GABRG3: variants seen among roughly 807,000 people sequenced by gnomAD.
The protein encoded by GABRG3 is gamma-aminobutyric acid type A receptor subunit gamma3.
Under a neutral mutation model 48.8 loss-of-function variants are expected in GABRG3, and 25 were observed. That is an observed-to-expected ratio of 0.51 (90% CI 0.37 to 0.72). The LOEUF (loss-of-function observed/expected upper bound fraction) is 0.72, where lower values mean the gene tolerates loss of function less well. GABRG3 is among the 30% of genes least tolerant of loss of function. The pLI, the probability that GABRG3 is intolerant of heterozygous loss-of-function variation, is 0.00. For missense variants in GABRG3, 394 were observed against 577.9 expected (o/e 0.68, Z 3.26); for synonymous variants, 227 against 217.6 (o/e 1.04, Z -0.38).
At chr15:26,972,862 C>T (rs775462792) in intron 1 of GABRG3, among the ~76,000 whole-genome samples, 4 of 152,098 alleles carry the variant, frequency 2.6e-5, no homozygotes, top group Non-Finnish European at 4.4e-5. Flanking sequence ...GTGTGGAAGC[C>T]GACTCCACCG....
intron 3 of GABRG3, among the ~76,000 whole-genome samples, chr15:27,322,135 C>T (rs941648376): frequency 1.3e-5 from 2 of 152,148 alleles, no homozygotes; most frequent in Non-Finnish European, 2.9e-5. Context: ...AATGCCATTA[C>T]AAAGTAAGTT....
intron 3 of GABRG3, among the ~76,000 whole-genome samples, chr15:27,163,655 G>A (rs1283762824): frequency 6.6e-6 from 1 of 152,132 alleles, no homozygotes; most frequent in African/African-American, 2.4e-5. Context: ...ATAAGTCAGT[G>A]CTTCTCAGCA....
At position 27,001,449 on chromosome 15, in the gene GABRG3, C is replaced by T. The variant is rs1030445867; in HGVS notation, c.202+24299C>T. 2.6e-5 allele frequency among the ~76,000 whole-genome samples: 4 copies of T among 152,230 alleles called. No individual in the cohort carries two copies. In the South Asian group the frequency reaches 6.2e-4, roughly 24 times the overall value. ...CCCAGCTGACTCCCGCACACAATGC[C>T]ACTCCACACAATCATCAGTTGTTGG... On this transcript the variant is annotated intron_variant, in intron 2 of 9. Transcript: ENST00000615808.
intron 2 of GABRG3, among the ~76,000 whole-genome samples, chr15:26,989,515 G>A (rs1234637779): frequency 6.6e-6 from 1 of 152,078 alleles, no homozygotes; most frequent in Non-Finnish European, 1.5e-5. Flanking sequence ...TATATAGTAG[G>A]TATTTATGCT....
At chr15:27,123,970 G>A (rs1232920556) in intron 3 of GABRG3, among the ~76,000 whole-genome samples, 1 of 152,182 alleles carries the variant, frequency 6.6e-6, no homozygotes, top group African/African-American at 2.4e-5. Context: ...CACCCAGGCG[G>A]CCGGAGCCTT....
At chr15:27,029,708 G>A (rs1896049651) in intron 3 of GABRG3, among the ~76,000 whole-genome samples, 1 of 152,186 alleles carries the variant, frequency 6.6e-6, no homozygotes, top group Admixed American at 6.5e-5. Context: ...TGCTTTGGTG[G>A]GGCAAGTCTG....
chr15:27,085,872 A>G (rs1423390322), intron 3 of GABRG3, among the ~76,000 whole-genome samples: 2 of 152,190 alleles, frequency 1.3e-5, no homozygotes, highest in Non-Finnish European at 2.9e-5. Context: ...CAAATCTACA[A>G]TGATCATCTA....
At chr15:27,527,094 G>T (rs1356977475) in intron 7 of GABRG3, among the ~76,000 whole-genome samples, 1 of 152,160 alleles carries the variant, frequency 6.6e-6, no homozygotes, top group Non-Finnish European at 1.5e-5. Flanking sequence ...TAGCTGGGCA[G>T]AAATGTGAGG....
chr15:27,238,010 AG>A (rs1415031721), intron 3 of GABRG3, among the ~76,000 whole-genome samples: 4 of 152,214 alleles, frequency 2.6e-5, no homozygotes, highest in African/African-American at 9.6e-5. Flanking sequence ...GAAGGTGAGA[AG>A]AAGAGTTAAT....
chr15:27,540,812 G>GTTCCTTTACA lies in GABRG3; in HGVS notation c.*7932_*7933insTCCTTTACAT, dbSNP rs1278035574. 3 of 152,206 alleles carry GTTCCTTTACA rather than the reference G, an allele frequency of 2.0e-5. No homozygotes were observed. The highest frequency in any genetic ancestry group is 7.2e-5 in the African/African-American group (3 of 41,452). 9.4% of individuals were successfully genotyped at this position (152,206 alleles called of 1,614,324 possible). ...GTTGTTAGGAGCAAGAGGCCATCTT[G>GTTCCTTTACA]TGTTTACATGCAGTGGTCTGTGTAT... On this transcript the variant is annotated 3_prime_UTR_variant, in exon 10 of 10. Coordinates refer to ENST00000615808, the MANE Select transcript of GABRG3 (RefSeq NM_033223.5).
intron 3 of GABRG3, among the ~76,000 whole-genome samples, chr15:27,137,768 G>A (rs1484393680): frequency 1.3e-5 from 2 of 152,156 alleles, no homozygotes; most frequent in South Asian, 2.1e-4. Context: ...TTCATAAAGC[G>A]ATAGATATTC....
chr15:27,227,066 C>T (rs1436097146), intron 3 of GABRG3, among the ~76,000 whole-genome samples: 7 of 152,174 alleles, frequency 4.6e-5, no homozygotes, highest in Admixed American at 3.3e-4. Flanking sequence ...AACAGCCAGC[C>T]GCCTGTAAGG....
At position 27,236,751 on chromosome 15, in the gene GABRG3, T is replaced by C. The variant is rs1373749004; in HGVS notation, c.271-90058T>C. On this transcript the variant is annotated intron_variant, in intron 3 of 9. Transcript: ENST00000615808. This position sits in a 1 kb window ranked among gnomAD's most constrained non-coding sequence, Gnocchi z 4.4. Reference sequence around the variant, plus strand: ...CGTTTGACATCAGAGGGCCAAAAACTCTATCCTCGGATCATGCGAACACTG... The same window carrying C: ...CGTTTGACATCAGAGGGCCAAAAACCCTATCCTCGGATCATGCGAACACTG... Among the ~76,000 whole-genome samples, 1 of 152,228 alleles carries C rather than the reference T, an allele frequency of 6.6e-6. No individual in the cohort carries two copies. Among genetic ancestry groups the C allele is most frequent in the Non-Finnish European group, 1.5e-5 (1 of 68,038 alleles).
chr15:27,076,734 G>A (rs1481837136), intron 3 of GABRG3, among the ~76,000 whole-genome samples: 1 of 152,120 alleles, frequency 6.6e-6, no homozygotes, highest in Non-Finnish European at 1.5e-5. Flanking sequence ...ATAAGGCAGG[G>A]CATGGAGTGA....
At chr15:27,000,518 A>C (rs1895424365) in intron 2 of GABRG3, among the ~76,000 whole-genome samples, 1 of 152,072 alleles carries the variant, frequency 6.6e-6, no homozygotes, top group South Asian at 2.1e-4. Flanking sequence ...GATGGAGGTG[A>C]ATGGATCATG....
chr15:27,347,148 G>A (rs148730790), intron 5 of GABRG3, among the ~76,000 whole-genome samples: 79 of 152,200 alleles, frequency 5.2e-4, no homozygotes, highest in African/African-American at 1.7e-3. Flanking sequence ...TATTTTTCTA[G>A]CATCCTTGTG....
chr15:26,972,446 G>A (rs1001307717), intron 1 of GABRG3, among the ~76,000 whole-genome samples: 24 of 152,132 alleles, frequency 1.6e-4, no homozygotes, highest in African/African-American at 5.8e-4. Flanking sequence ...CTTTAATTCT[G>A]TCTCTCTGGC....
At chr15:27,445,659 T>A (rs1360239400) in intron 5 of GABRG3, among the ~76,000 whole-genome samples, 1 of 152,210 alleles carries the variant, frequency 6.6e-6, no homozygotes, top group Non-Finnish European at 1.5e-5. Flanking sequence ...TTAATGATAA[T>A]TTTTGAGGTG....
intron 5 of GABRG3, among the ~76,000 whole-genome samples, chr15:27,375,082 GC>G (rs1453195770): frequency 9.9e-5 from 15 of 152,110 alleles, no homozygotes; most frequent in Non-Finnish European, 1.8e-4. Flanking sequence ...AATTCAATGG[GC>G]CTGAAGAACA....
Sources: allele counts gnomAD v4.1 joint callset (sites outside exome capture counted in the v4.1 genomes callset), GRCh38; gene constraint gnomAD v4.1.1; non-coding constraint Gnocchi (gnomAD v3.1); transcripts MANE v1.5; gene names NCBI Gene and HGNC (gene_info 2026-07-23, HGNC 2026-07-21).